HECW2: variants seen among roughly 807,000 people sequenced by gnomAD.
The protein encoded by HECW2 is E3 ubiquitin-protein ligase HECW2.
HECW2 carries 61 observed loss-of-function variants against 175.2 expected under a neutral mutation model. The ratio of observed to expected loss-of-function variants is 0.35; its 90% CI spans 0.28 to 0.43. HECW2 has a LOEUF of 0.43. Among genes scored for constraint, HECW2 ranks in the 20% least tolerant of loss-of-function variants. The pLI is 1.00. For missense variants in HECW2, 1,524 were observed against 2,000.5 expected (o/e 0.76, Z 4.54); for synonymous variants, 671 against 731.0 (o/e 0.92, Z 1.32).
chr2:196,213,293 A>T (rs1345253701), intron 28 of HECW2, among the ~76,000 whole-genome samples: 2 of 152,260 alleles, frequency 1.3e-5, no homozygotes, highest in Non-Finnish European at 1.5e-5. Flanking sequence ...TAAAAAGTTA[A>T]AAAAGAACAA....
intron 2 of HECW2, among the ~76,000 whole-genome samples, chr2:196,372,663 C>T (rs561283733): frequency 6.6e-6 from 1 of 152,290 alleles, no homozygotes; most frequent in African/African-American, 2.4e-5. Flanking sequence ...TTGTGTCCCC[C>T]TTTGAGAAGA....
chr2:196,571,970 C>T (rs565512247), intron 1 of HECW2, among the ~76,000 whole-genome samples: 2 of 152,256 alleles, frequency 1.3e-5, no homozygotes, highest in African/African-American at 2.4e-5. Context: ...GAAATTCTGA[C>T]ACATACTACA....
intron 1 of HECW2, among the ~76,000 whole-genome samples, chr2:196,580,654 CAAAA>C (rs56875271): frequency 2.2e-5 from 2 of 91,958 alleles, no homozygotes; most frequent in African/African-American, 3.6e-5. Context: ...GCTACAATGG[CAAAA>C]AAAAAAAAAA....
chr2:196,542,188 C>T (rs564661071), intron 1 of HECW2, among the ~76,000 whole-genome samples: 4 of 150,964 alleles, frequency 2.6e-5, no homozygotes, highest in Non-Finnish European at 4.4e-5. Context: ...TGCTTGAACC[C>T]GGGAAGCGAA....
intron 2 of HECW2, among the ~76,000 whole-genome samples, chr2:196,348,470 C>G (rs1463324314): frequency 2.6e-5 from 4 of 152,114 alleles, no homozygotes; most frequent in African/African-American, 9.6e-5. Context: ...CAACAAGACC[C>G]TGTCTCTACA....
At chr2:196,366,441 CA>C (rs1318284542) in intron 2 of HECW2, among the ~76,000 whole-genome samples, 3 of 152,108 alleles carry the variant, frequency 2.0e-5, no homozygotes, top group Non-Finnish European at 4.4e-5. Context: ...CTTTCGTACA[CA>C]AAAATAAATG....
chr2:196,396,056 G>A (rs1694653280), intron 2 of HECW2, among the ~76,000 whole-genome samples: 1 of 152,128 alleles, frequency 6.6e-6, no homozygotes, highest in Non-Finnish European at 1.5e-5. Flanking sequence ...TGGAAATTCT[G>A]ACATATGCTA....
At chr2:196,517,862 TG>T (rs1352569844) in intron 1 of HECW2, among the ~76,000 whole-genome samples, 1 of 152,184 alleles carries the variant, frequency 6.6e-6, no homozygotes, top group East Asian at 1.9e-4. Context: ...CACCAGTGAC[TG>T]GGAGGGCAGC....
intron 1 of HECW2, among the ~76,000 whole-genome samples, chr2:196,514,240 C>T (rs565812543): frequency 6.6e-6 from 1 of 152,356 alleles, no homozygotes; most frequent in African/African-American, 2.4e-5. Flanking sequence ...AGCACTGTCA[C>T]AACCCAGCCA....
chr2:196,227,099 T>C (rs1249432405), intron 22 of HECW2, among the ~76,000 whole-genome samples: 2 of 152,200 alleles, frequency 1.3e-5, no homozygotes, highest in Non-Finnish European at 2.9e-5. Flanking sequence ...AGCAGTATGG[T>C]TCCTCTTTAT....
intron 10 of HECW2, among the ~76,000 whole-genome samples, chr2:196,311,038 G>A (rs2105726680): frequency 6.6e-6 from 1 of 152,292 alleles, no homozygotes. Flanking sequence ...TAGCCTTACA[G>A]GGCCAGGAGA....
At chr2:196,497,969 G>A (rs1687454946) in intron 1 of HECW2, among the ~76,000 whole-genome samples, 1 of 152,184 alleles carries the variant, frequency 6.6e-6, no homozygotes, top group Non-Finnish European at 1.5e-5. Context: ...CATGAAAATA[G>A]AGAATTTCAT....
chr2:196,421,735 C>A (rs1417803871), intron 2 of HECW2, among the ~76,000 whole-genome samples: 1 of 152,048 alleles, frequency 6.6e-6, no homozygotes, highest in Non-Finnish European at 1.5e-5. Flanking sequence ...CACAAATAAG[C>A]ATGGGGGGCA....
intron 1 of HECW2, among the ~76,000 whole-genome samples, chr2:196,462,722 C>T (rs946544406): frequency 6.6e-6 from 1 of 151,688 alleles, no homozygotes; most frequent in South Asian, 2.1e-4. Flanking sequence ...ATGAAATGAT[C>T]TTTCAAGGCA....
At chr2:196,485,204 G>C (rs1294272337) in intron 1 of HECW2, among the ~76,000 whole-genome samples, 1 of 152,136 alleles carries the variant, frequency 6.6e-6, no homozygotes, top group Non-Finnish European at 1.5e-5. Flanking sequence ...CGAGTGTGAG[G>C]TATCTGTGAA....
intron 17 of HECW2, among the ~76,000 whole-genome samples, chr2:196,266,274 G>C (rs979666465): frequency 6.6e-6 from 1 of 151,860 alleles, no homozygotes; most frequent in Admixed American, 6.6e-5. Flanking sequence ...TTGAGCCCAG[G>C]AGGTTGATGC....
intron 26 of HECW2, 130 bp from the exon 27 acceptor site, chr2:196,217,223 A>G: frequency 1.6e-6 from 1 of 633,590 alleles, no homozygotes; most frequent in Non-Finnish European, 2.7e-6. Flanking sequence ...TATAATTTTA[A>G]GACTAAGGAA....
intron 2 of HECW2, among the ~76,000 whole-genome samples, chr2:196,351,577 G>A (rs192354227): frequency 6.6e-6 from 1 of 152,256 alleles, no homozygotes; most frequent in East Asian, 1.9e-4. Flanking sequence ...AATTTTTTGA[G>A]AAAGATGCCA....
chr2:196,465,046 G>A (rs940156533), intron 1 of HECW2, among the ~76,000 whole-genome samples: 1 of 152,132 alleles, frequency 6.6e-6, no homozygotes, highest in Non-Finnish European at 1.5e-5. Flanking sequence ...AAAAAAAGAA[G>A]GGGATAGCAA....
Sources: gnomAD v4.1 joint callset for allele counts (sites outside exome capture counted in the v4.1 genomes callset) on GRCh38, gnomAD v4.1.1 for gene constraint, MANE v1.5 for transcripts, NCBI Gene and HGNC (gene_info 2026-07-23, HGNC 2026-07-21) for gene names.